Variants in CDK17 observed in about 807,000 individuals in gnomAD.
The protein encoded by CDK17 is cyclin-dependent kinase 17.
Under a neutral mutation model 77.6 loss-of-function variants are expected in CDK17, and 24 were observed. That is an observed-to-expected ratio of 0.31 (90% CI 0.22 to 0.44). CDK17 has a LOEUF of 0.44. Ranked by LOEUF, CDK17 falls within the 20% of genes least tolerant of loss-of-function variation. The pLI is 1.00. For missense variants in CDK17, 429 were observed against 622.5 expected (o/e 0.69, Z 3.31); for synonymous variants, 203 against 210.4 (o/e 0.96, Z 0.30).
intron 1 of CDK17, among the ~76,000 whole-genome samples, chr12:96,351,566 T>C (rs34755637): frequency 0.052 from 7,913 of 152,308 alleles, 269 homozygotes; most frequent in Non-Finnish European, 0.064. Context: ...TATATGATTC[T>C]ACTTACATGA....
intron 5 of CDK17, among the ~76,000 whole-genome samples, chr12:96,304,545 C>CAAA (rs386377483): frequency 2.8e-4 from 43 of 151,390 alleles, no homozygotes; most frequent in Non-Finnish European, 5.9e-4. Flanking sequence ...CAAAAAACAA[C>CAAA]AAAAAAGAAA....
At chr12:96,308,761 T>A (rs1190871333) in intron 5 of CDK17, among the ~76,000 whole-genome samples, 1 of 148,556 alleles carries the variant, frequency 6.7e-6, no homozygotes, top group African/African-American at 2.5e-5. Context: ...ATAATAATAA[T>A]AATAATGTAA....
intron 1 of CDK17, among the ~76,000 whole-genome samples, chr12:96,339,241 C>T (rs1322845800): frequency 1.3e-5 from 2 of 152,148 alleles, no homozygotes; most frequent in Non-Finnish European, 2.9e-5. Context: ...TCTATTACAG[C>T]ACAGAACTGA....
chr12:96,395,375 T>A (rs1195727890), intron 1 of CDK17, among the ~76,000 whole-genome samples: 2 of 152,190 alleles, frequency 1.3e-5, no homozygotes, highest in Admixed American at 1.3e-4. Context: ...CTTTTTAACA[T>A]CTCATCCTCA....
intron 1 of CDK17, among the ~76,000 whole-genome samples, chr12:96,392,958 C>G (rs1411322587): frequency 6.6e-6 from 1 of 152,094 alleles, no homozygotes; most frequent in Admixed American, 6.6e-5. Flanking sequence ...CAGATAACGG[C>G]TAATACAATA....
chr12:96,380,626 G>C (rs1953864452), intron 1 of CDK17, among the ~76,000 whole-genome samples: 2 of 152,130 alleles, frequency 1.3e-5, no homozygotes, highest in Admixed American at 6.5e-5. Flanking sequence ...GCAACCCTTT[G>C]AGAGTACTTC....
In CDK17 at chr12:96,280,642, A is replaced by G. The variant is rs1312222597; in HGVS notation, c.1534+166T>C. ...TCTGAAGATTTACTGAGCTGCCCAC[A>G]TCATACAGAAAAGTGAGTACGTGCA... On this transcript the variant is annotated intron_variant, in intron 16 of 16. Transcript: ENST00000261211. 7 of 1,427,290 alleles carry G rather than the reference A, an allele frequency of 4.9e-6. No individual in the cohort carries two copies. The African/African-American group carries it at 1.0e-4, about 21-fold the overall frequency. The allele number at this position is 1,427,290 out of a possible 1,614,324, so 88.4% of individuals were successfully genotyped here. A position where few individuals can be genotyped will look rare whatever the true frequency, so the allele number is the denominator to read the frequency against.
chr12:96,307,839 T>C (rs757889145), intron 5 of CDK17, among the ~76,000 whole-genome samples: 39 of 152,026 alleles, frequency 2.6e-4, no homozygotes, highest in South Asian at 4.1e-4. Context: ...ATTGTACTCC[T>C]GCCTGGACGA....
chr12:96,313,280 A>C, intron 4 of CDK17, 41 bp downstream of exon 4: 1 of 1,510,164 alleles, frequency 6.6e-7, no homozygotes, highest in Non-Finnish European at 8.9e-7. Flanking sequence ...ATATACCAAC[A>C]CACATATTCA....
At chr12:96,329,256 G>A (rs956246597) in intron 2 of CDK17, among the ~76,000 whole-genome samples, 1 of 152,038 alleles carries the variant, frequency 6.6e-6, no homozygotes, top group African/African-American at 2.4e-5. Context: ...CGTATTTAAT[G>A]CTGCTGAACT....
chr12:96,380,712 T>G (rs1186955667), intron 1 of CDK17, among the ~76,000 whole-genome samples: 2 of 152,208 alleles, frequency 1.3e-5, no homozygotes, highest in Non-Finnish European at 2.9e-5. Context: ...ACTTTCCCAA[T>G]GGCTTCACTA....
At chr12:96,334,284 T>C (rs1953011101) in intron 2 of CDK17, among the ~76,000 whole-genome samples, 1 of 152,186 alleles carries the variant, frequency 6.6e-6, no homozygotes, top group South Asian at 2.1e-4. Flanking sequence ...CTTTATGTTG[T>C]AAAAAGCACT....
At chr12:96,328,841 G>A (rs1952927701) in intron 2 of CDK17, among the ~76,000 whole-genome samples, 1 of 152,114 alleles carries the variant, frequency 6.6e-6, no homozygotes, top group African/African-American at 2.4e-5. Flanking sequence ...TTGTAGGGTT[G>A]GAGGAGGTCA....
intron 1 of CDK17, among the ~76,000 whole-genome samples, chr12:96,375,348 TC>T (rs1953761207): frequency 6.6e-6 from 1 of 152,000 alleles, no homozygotes; most frequent in African/African-American, 2.4e-5. Context: ...GCAGATTTAT[TC>T]CACCCCTTTA....
intron 1 of CDK17, among the ~76,000 whole-genome samples, chr12:96,339,396 T>C (rs1953091551): frequency 6.6e-6 from 1 of 151,926 alleles, no homozygotes; most frequent in Non-Finnish European, 1.5e-5. Flanking sequence ...AGTTATTCTT[T>C]AATGGGTACA....
intron 1 of CDK17, among the ~76,000 whole-genome samples, chr12:96,359,145 G>A (rs908097342): frequency 1.3e-5 from 2 of 151,814 alleles, no homozygotes; most frequent in African/African-American, 4.8e-5. Context: ...GCTACTATTT[G>A]GCCCACAAAT....
chr12:96,376,398 ACACTC>A (rs1454797253), intron 1 of CDK17, among the ~76,000 whole-genome samples: 3 of 152,170 alleles, frequency 2.0e-5, no homozygotes, highest in African/African-American at 7.2e-5. Context: ...TCAATAATAA[ACACTC>A]CAACTTTGAT....
intron 5 of CDK17, among the ~76,000 whole-genome samples, chr12:96,310,620 G>A (rs894633540): frequency 1.3e-4 from 19 of 151,754 alleles, no homozygotes; most frequent in Middle Eastern, 3.4e-3. Context: ...TGGGATTTCT[G>A]AAATTTTCTT....
chr12:96,400,176 G>A lies in CDK17; in HGVS notation c.-220C>T, dbSNP rs1455226911. 6 of 394,470 alleles carry A rather than the reference G, an allele frequency of 1.5e-5. No homozygotes were observed. Among genetic ancestry groups the A allele is most frequent in the Non-Finnish European group, 2.2e-5 (5 of 223,468 alleles). 24.4% of individuals were successfully genotyped at this position (394,470 alleles called of 1,614,324 possible). A position where few individuals can be genotyped will look rare whatever the true frequency, so the allele number is the denominator to read the frequency against. On this transcript the variant is annotated 5_prime_UTR_variant, in exon 1 of 17. Transcript: ENST00000261211. ...TCTCGCCGCGGGTCCGGAGCCTCGG[G>A]AGGGGCCGCGGGTGTCTCACGCGTT...
Sources: gnomAD v4.1 joint callset for allele counts (sites outside exome capture counted in the v4.1 genomes callset) on GRCh38, gnomAD v4.1.1 for gene constraint, MANE v1.5 for transcripts, NCBI Gene and HGNC (gene_info 2026-07-23, HGNC 2026-07-21) for gene names.